The following KHDRBS2 variants were observed in gnomAD, a reference collection of about 807,000 sequenced individuals.
KHDRBS2 encodes the protein KH domain-containing, RNA-binding, signal transduction-associated protein 2.
A neutral mutation model predicts 44.3 loss-of-function variants in KHDRBS2; 26 were observed. The observed-to-expected ratio is 0.59, with a 90% CI of 0.43 to 0.81. The LOEUF (loss-of-function observed/expected upper bound fraction) is 0.81, where lower values mean the gene tolerates loss of function less well. Ranked by LOEUF, KHDRBS2 falls within the 40% of genes least tolerant of loss-of-function variation. The pLI, the probability that KHDRBS2 is intolerant of heterozygous loss-of-function variation, is 0.00. For missense variants in KHDRBS2, 476 were observed against 433.1 expected (o/e 1.10, Z -0.88); for synonymous variants, 194 against 151.1 (o/e 1.28, Z -2.08).
At chr6:61,586,683 G>C in the KHDRBS2 span, among the ~76,000 whole-genome samples, 1,529 of 152,142 alleles carry the variant, frequency 0.01, 9 homozygotes, top group Non-Finnish European at 0.014. Context: ...TTTGAGTTTA[G>C]GGATCCAGCG....
At chr6:61,574,369 T>A in the KHDRBS2 span, 1 of 1,526,836 alleles carries the variant, frequency 6.5e-7, no homozygotes, top group Non-Finnish European at 8.8e-7. Flanking sequence ...TTTCAACCAC[T>A]GCAACTGACC....
intron 6 of KHDRBS2, among the ~76,000 whole-genome samples, chr6:61,787,260 TTA>T (rs1226819567): frequency 6.6e-6 from 1 of 151,568 alleles, no homozygotes; most frequent in East Asian, 1.9e-4. Flanking sequence ...ACCTTATCGC[TTA>T]TTATCTCTTT....
intron 6 of KHDRBS2, among the ~76,000 whole-genome samples, chr6:61,750,439 T>G (rs2127568350): frequency 6.6e-6 from 1 of 152,290 alleles, no homozygotes; most frequent in East Asian, 1.9e-4. Context: ...GATTAAGACT[T>G]TTAGCTATGC....
intron 2 of KHDRBS2, among the ~76,000 whole-genome samples, chr6:62,071,732 T>A (rs1313287362): frequency 6.6e-6 from 1 of 152,226 alleles, no homozygotes; most frequent in East Asian, 1.9e-4. Flanking sequence ...CATGCTGTTT[T>A]GGTTACTGTA....
intron 6 of KHDRBS2, among the ~76,000 whole-genome samples, chr6:61,828,314 T>C (rs1480786375): frequency 6.6e-6 from 1 of 152,172 alleles, no homozygotes; most frequent in Admixed American, 6.6e-5. Flanking sequence ...TGATAAAGTC[T>C]ATAAAGAAAA....
chr6:61,579,328 T>A, the KHDRBS2 span, among the ~76,000 whole-genome samples: 1 of 152,158 alleles, frequency 6.6e-6, no homozygotes, highest in Non-Finnish European at 1.5e-5. Context: ...ATTAATACCA[T>A]ATTACAACTA....
intron 6 of KHDRBS2, among the ~76,000 whole-genome samples, chr6:61,872,691 T>C (rs1386101894): frequency 2.0e-5 from 3 of 152,108 alleles, no homozygotes; most frequent in African/African-American, 7.2e-5. Context: ...CCAAATAATA[T>C]ATCAATTCTA....
At chr6:61,843,370 T>TATTATTA (rs1282376825) in intron 6 of KHDRBS2, among the ~76,000 whole-genome samples, 19 of 143,190 alleles carry the variant, frequency 1.3e-4, no homozygotes, top group African/African-American at 4.7e-4. Flanking sequence ...TTATTATTAT[T>TATTATTA]ATTATATTTT....
At chr6:61,603,800 T>C in the KHDRBS2 span, among the ~76,000 whole-genome samples, 1 of 152,162 alleles carries the variant, frequency 6.6e-6, no homozygotes, top group Non-Finnish European at 1.5e-5. Context: ...TGGCCTTCAA[T>C]CCAGCCTCCC....
chr6:62,134,565 C>A (rs1811075869), intron 2 of KHDRBS2, among the ~76,000 whole-genome samples: 1 of 152,164 alleles, frequency 6.6e-6, no homozygotes, highest in Admixed American at 6.5e-5. Flanking sequence ...CACCGTCCAA[C>A]AGACCCTAGA....
At chr6:61,933,001 T>G (rs1810374890) in intron 4 of KHDRBS2, among the ~76,000 whole-genome samples, 1 of 152,198 alleles carries the variant, frequency 6.6e-6, no homozygotes, top group Admixed American at 6.5e-5. Flanking sequence ...TATTAATCTG[T>G]TCTTGCAGTG....
the KHDRBS2 span, among the ~76,000 whole-genome samples, chr6:61,671,971 T>C: frequency 6.6e-6 from 1 of 151,894 alleles, no homozygotes; most frequent in Non-Finnish European, 1.5e-5. Context: ...GCATTAGGTA[T>C]ATCTCCTAAT....
intron 6 of KHDRBS2, among the ~76,000 whole-genome samples, chr6:61,848,552 CATATATATATGTATATATATAT>C (rs1794925022): frequency 2.7e-5 from 1 of 37,250 alleles, no homozygotes; most frequent in African/African-American, 1.1e-4. Flanking sequence ...TATATATATA[CATATATATATGTATATATATAT>C]ACATATATAT....
chr6:61,551,007 C>A, the KHDRBS2 span, among the ~76,000 whole-genome samples: 1 of 152,036 alleles, frequency 6.6e-6, no homozygotes, highest in Non-Finnish European at 1.5e-5. Flanking sequence ...CTTCTGGCCT[C>A]GAGTGATATG....
At chr6:61,954,596 A>ATGTGTATATG in intron 4 of KHDRBS2, among the ~76,000 whole-genome samples, 2 of 139,436 alleles carry the variant, frequency 1.4e-5, no homozygotes, top group Non-Finnish European at 3.1e-5. Context: ...ATGTATATAT[A>ATGTGTATATG]CACATACATA....
the KHDRBS2 span, among the ~76,000 whole-genome samples, chr6:61,618,524 A>G: frequency 3.2e-4 from 48 of 152,204 alleles, no homozygotes; most frequent in African/African-American, 1.1e-3. Flanking sequence ...TCTAAGTATA[A>G]TTGTGTCATG....
At chr6:61,574,274 C>A in the KHDRBS2 span, 1 of 1,287,004 alleles carries the variant, frequency 7.8e-7, no homozygotes, top group Non-Finnish European at 1.1e-6. Context: ...CCGTGGTACC[C>A]TAACCGTGCA....
At chr6:61,625,366 CTG>C in the KHDRBS2 span, among the ~76,000 whole-genome samples, 1 of 147,556 alleles carries the variant, frequency 6.8e-6, no homozygotes, top group East Asian at 2.0e-4. Context: ...TGCAGAGACT[CTG>C]AGGCATTCGA....
chr6:61,848,626 T>C (rs1309642821), intron 6 of KHDRBS2, among the ~76,000 whole-genome samples: 1 of 137,842 alleles, frequency 7.3e-6, no homozygotes, highest in Non-Finnish European at 1.6e-5. Flanking sequence ...GCTTTTTTCA[T>C]ATGTCCTATC....
Sources: allele counts gnomAD v4.1 joint callset (sites outside exome capture counted in the v4.1 genomes callset), GRCh38; gene constraint gnomAD v4.1.1; transcripts MANE v1.5; gene names NCBI Gene and HGNC (gene_info 2026-07-23, HGNC 2026-07-21).